Variants in PKHD1L1 observed in about 807,000 individuals in gnomAD.
The protein encoded by PKHD1L1 is fibrocystin-L.
In PKHD1L1, 434 loss-of-function variants were observed where a neutral mutation model predicts 462.9. The observed-to-expected ratio is 0.94, with a 90% CI of 0.87 to 1.02. PKHD1L1 has a LOEUF of 1.02. Among genes scored for constraint, PKHD1L1 ranks in the 50% least tolerant of loss-of-function variants. The pLI is 0.00. For missense variants in PKHD1L1, 5,202 were observed against 5,096.1 expected (o/e 1.02, Z -0.63); for synonymous variants, 1,781 against 1,750.0 (o/e 1.02, Z -0.44).
chr8:109,426,982 C>T lies in PKHD1L1; in HGVS notation c.2846-20C>T, dbSNP rs768551503. On this transcript the variant is annotated intron_variant, in intron 24 of 77. Transcript: ENST00000378402. ...TGTGAATTGTGACTCCTGCTGTTTG[C>T]CACCCCTCTGTGAGTGCAGGCCTCC... is the stretch of plus-strand genomic sequence containing the variant. 62 of 1,309,974 alleles carry T rather than the reference C, an allele frequency of 4.7e-5. No individual in the cohort carries two copies. In the South Asian group the frequency reaches 6.8e-4, roughly 14 times the overall value. The allele number at this position is 1,309,974 out of a possible 1,614,324, so 81.1% of individuals were successfully genotyped here. A position where few individuals can be genotyped will look rare whatever the true frequency, so the allele number is the denominator to read the frequency against.
chr8:109,492,114 G>A (rs750147096), intron 62 of PKHD1L1, 120 bp downstream of exon 62: 10 of 779,106 alleles, frequency 1.3e-5, no homozygotes, highest in African/African-American at 6.7e-5. Context: ...TGTAAGTTTC[G>A]ATGGCCATTG....
In PKHD1L1 at chr8:109,486,812, A is replaced by G; in HGVS notation, c.9871A>G (p.Thr3291Ala). The G allele has an allele frequency of 6.2e-7, 1 of 1,611,654 alleles. No individual in the cohort carries two copies. The highest frequency in any genetic ancestry group is 2.2e-5 in the East Asian group (1 of 44,832). ...TGGCTCATTCACTGAAAATATGATG[A>G]CATTTAAAGGTTGGTATCAATTCAG... ...LVGSFTENMM[T>A]FKGNARISNV... Residue 3291 changes from threonine to alanine, a missense_variant, in exon 59 of 78, where the codon ACA becomes GCA. Thr to Ala is a moderately conservative substitution (Grantham distance 58, BLOSUM62 0). Transcript: ENST00000378402.
rs1821088314 is a variant in PKHD1L1 at position 109,533,545 on chromosome 8, ACT to A, written c.*3456_*3457del. 1.3e-5 allele frequency among the ~76,000 whole-genome samples: 2 copies of A among 152,228 alleles called. No homozygotes were observed. Among genetic ancestry groups the A allele is most frequent in the South Asian group, 4.1e-4 (2 of 4,830 alleles). ...ATTTCCCAGCTTCACTTGCAGTGAG[ACT>A]GATCAATTTCTGTGCAGTGGGTTAC... On this transcript the variant is annotated 3_prime_UTR_variant, in exon 78 of 78. Transcript: ENST00000378402.
chr8:109,458,344 C>T (rs544216856), intron 46 of PKHD1L1, among the ~76,000 whole-genome samples: 1 of 152,256 alleles, frequency 6.6e-6, no homozygotes, highest in East Asian at 1.9e-4. Context: ...ATTACATCAT[C>T]TTCCTCTTTG....
In PKHD1L1 at chr8:109,459,803, A is replaced by G. The variant is rs1038103209; in HGVS notation, c.7213A>G (p.Lys2405Glu). The change falls in exon 47 of 78, where the codon AAA becomes GAA. Residue 2405 changes from lysine to glutamate, a missense_variant. By Grantham distance (56) the Lys-to-Glu change is moderately conservative. Around this residue, in one of 3 missense-constraint regions of PKHD1L1, gnomAD observed 4,497 missense variants for 4,336.8 expected, o/e 1.04. Coordinates refer to ENST00000378402, the MANE Select transcript of PKHD1L1 (RefSeq NM_177531.6). The part of the protein sequence containing the change: ...RGSDNVEWNN[K>E]IPACPDGFDT... Reference sequence around the variant, plus strand: ...ATCTGATAATGTTGAGTGGAATAACAAAATTCCTGCATGTCCTGATGGATT... The same window carrying G: ...ATCTGATAATGTTGAGTGGAATAACGAAATTCCTGCATGTCCTGATGGATT... The G allele has an allele frequency of 6.2e-7, 1 of 1,611,466 alleles. No individual in the cohort carries two copies. The highest frequency in any genetic ancestry group is 1.3e-5 in the African/African-American group (1 of 74,848).
chr8:109,383,157 T>TATTGTATATAATATATATATTTA (rs1554627879), intron 4 of PKHD1L1, among the ~76,000 whole-genome samples: 1 of 100,940 alleles, frequency 9.9e-6, no homozygotes, highest in East Asian at 2.4e-4. Flanking sequence ...TTATATATAT[T>TATTGTATATAATATATATATTTA]TATATATAAT....
rs1816615152 is a variant in PKHD1L1 at position 109,452,845 on chromosome 8, C to G, written c.6635C>G (p.Thr2212Ser). 6.7e-7 allele frequency: 1 copy of G among 1,501,832 alleles called. No individual in the cohort carries two copies. The highest frequency in any genetic ancestry group is 8.9e-7 in the Non-Finnish European group (1 of 1,126,714). 93.0% of individuals were successfully genotyped at this position (1,501,832 alleles called of 1,614,324 possible). A position where few individuals can be genotyped will look rare whatever the true frequency, so the allele number is the denominator to read the frequency against. Residue 2212 changes from threonine to serine, a missense_variant, in exon 43 of 78, where the codon ACC becomes AGC. By Grantham distance (58) the Thr-to-Ser change is moderately conservative (BLOSUM62 1). Around this residue, in one of 3 missense-constraint regions of PKHD1L1, gnomAD observed 4,497 missense variants for 4,336.8 expected, o/e 1.04. Coordinates refer to ENST00000378402, the MANE Select transcript of PKHD1L1 (RefSeq NM_177531.6). Reference sequence around the variant, plus strand: ...CAGACCATTCTGCTGGATCAAAGCACCCCTATTTTGAAAATGTTGCTTATT... The same window carrying G: ...CAGACCATTCTGCTGGATCAAAGCAGCCCTATTTTGAAAATGTTGCTTATT... ...KGQTILLDQS[T>S]PILKMLLIQG...
Position 109,408,084 on chromosome 8 carries a change from G to A in PKHD1L1, c.1849G>A (p.Gly617Arg), listed in dbSNP as rs780907685. 2 of 1,610,240 alleles carry A rather than the reference G, an allele frequency of 1.2e-6. No individual in the cohort carries two copies. Among genetic ancestry groups the A allele is most frequent in the East Asian group, 2.2e-5 (1 of 44,774 alleles). Residue 617 changes from glycine (G) to arginine (R), a missense_variant, in exon 18 of 78, where the codon GGG becomes AGG. By Grantham distance (125) the Gly-to-Arg change is moderately radical. Around this residue, in one of 3 missense-constraint regions of PKHD1L1, gnomAD observed 4,497 missense variants for 4,336.8 expected, o/e 1.04. Coordinates refer to ENST00000378402, the MANE Select transcript of PKHD1L1 (RefSeq NM_177531.6). ...FDLLGYEVVE[G>R]NNVTLDITEQ... ...TCTGCTTGGTTATGAAGTAGTTGAA[G>A]GGAATAATGTCACACTGGATATTAC...
At chr8:109,378,264 CT>C (rs1326937816) in intron 2 of PKHD1L1, among the ~76,000 whole-genome samples, 6 of 152,178 alleles carry the variant, frequency 3.9e-5, no homozygotes, top group Non-Finnish European at 8.8e-5. Context: ...ACTCCTGCCC[CT>C]ATTCTATTCT....
chr8:109,406,443 G>A lies in PKHD1L1; in HGVS notation c.1778G>A (p.Ser593Asn). Residue 593 changes from serine to asparagine, a missense_variant, in exon 17 of 78, where the codon AGC becomes AAC. Ser to Asn is a conservative substitution (Grantham distance 46). This residue lies in a region of PKHD1L1 where 4,497 missense variants were observed against 4,336.8 expected (regional missense o/e 1.04). Coordinates refer to ENST00000378402, the MANE Select transcript of PKHD1L1 (RefSeq NM_177531.6). The part of the protein sequence containing the change: ...VQVIRTQNPQ[S>N]YVYMVTFIST... ...GTAATAAGAACACAAAATCCCCAGA[G>A]CTATGTCTACATGGTAACATTCATA... is the stretch of plus-strand genomic sequence containing the variant. 1 of 1,602,228 alleles carries A rather than the reference G, an allele frequency of 6.2e-7. No homozygotes were observed. The highest frequency in any genetic ancestry group is 8.5e-7 in the Non-Finnish European group (1 of 1,173,982).
At chr8:109,513,228 A>T (rs1820090739) in intron 71 of PKHD1L1, among the ~76,000 whole-genome samples, 1 of 151,862 alleles carries the variant, frequency 6.6e-6, no homozygotes, top group African/African-American at 2.4e-5. Context: ...AACTTCCAAC[A>T]CTATGTTGAA....
intron 2 of PKHD1L1, among the ~76,000 whole-genome samples, chr8:109,365,993 G>A (rs1586355424): frequency 6.6e-6 from 1 of 152,058 alleles, no homozygotes; most frequent in East Asian, 1.9e-4. Context: ...AAGAAAAAAA[G>A]AAAACACCCA....
chr8:109,401,884 A>C (rs181215897), intron 14 of PKHD1L1, among the ~76,000 whole-genome samples: 409 of 152,170 alleles, frequency 2.7e-3, no homozygotes, highest in Non-Finnish European at 4.3e-3. Context: ...CAGTCAATCC[A>C]CCCATTTAAT....
At chr8:109,416,382 C>T (rs1814170216) in intron 21 of PKHD1L1, among the ~76,000 whole-genome samples, 1 of 152,106 alleles carries the variant, frequency 6.6e-6, no homozygotes, top group Non-Finnish European at 1.5e-5. Flanking sequence ...GAGAAAAATG[C>T]CTGAAATCTA....
rs1206004238 is a variant in PKHD1L1 at position 109,535,910 on chromosome 8, G to C, written c.*5820G>C. Among the ~76,000 whole-genome samples, 1 of 152,144 alleles carries C rather than the reference G, an allele frequency of 6.6e-6. No homozygotes were observed. Among genetic ancestry groups the C allele is most frequent in the East Asian group, 1.9e-4 (1 of 5,200 alleles). On this transcript the variant is annotated 3_prime_UTR_variant, in exon 78 of 78. Transcript: ENST00000378402. ...TAGTACATAAAAGCCTGGAGAGAGA[G>C]GGGAAGGATTGTAAGTGTCATAGTT... is the stretch of plus-strand genomic sequence containing the variant.
chr8:109,467,089 T>C (rs1346459775), intron 50 of PKHD1L1, among the ~76,000 whole-genome samples: 1 of 152,092 alleles, frequency 6.6e-6, no homozygotes, highest in Non-Finnish European at 1.5e-5. Flanking sequence ...TGTTTTTGAT[T>C]GTCCTTGCTG....
In PKHD1L1 at chr8:109,491,954, GA is replaced by G; in HGVS notation, c.10200del (p.Asp3401IlefsTer2). ...GTTTGGCCAGGAACCTATCAGAACA[GA>G]AAAGATTTAAGTTCAACTCTCTGGC... The part of the protein sequence containing the change: ...LSVWPGTYQN[R>X]KDLSSTLWHA... On this transcript the variant is annotated frameshift_variant, in exon 62 of 78. Coordinates refer to ENST00000378402, the MANE Select transcript of PKHD1L1 (RefSeq NM_177531.6). LOFTEE classifies it high-confidence loss of function. The G allele has an allele frequency of 6.3e-7, 1 of 1,589,898 alleles. No homozygotes were observed. Among genetic ancestry groups the G allele is most frequent in the Non-Finnish European group, 8.6e-7 (1 of 1,165,168 alleles).
intron 50 of PKHD1L1, 45 bp from the exon 51 acceptor site, chr8:109,475,073 G>T: frequency 6.6e-7 from 1 of 1,511,684 alleles, no homozygotes; most frequent in South Asian, 1.3e-5. Flanking sequence ...GAGTTTATTA[G>T]AGGTAGAGAT....
chr8:109,511,334 T>G (rs1819967017), intron 71 of PKHD1L1, among the ~76,000 whole-genome samples: 1 of 110,988 alleles, frequency 9.0e-6, no homozygotes, highest in African/African-American at 3.5e-5. Flanking sequence ...CCTAAAGCTA[T>G]CCCTCCCCCC....
Sources: allele counts gnomAD v4.1 joint callset (sites outside exome capture counted in the v4.1 genomes callset), GRCh38; gene constraint gnomAD v4.1.1; regional missense constraint gnomAD v4.1.1; transcripts MANE v1.5; gene names NCBI Gene and HGNC (gene_info 2026-07-23, HGNC 2026-07-21).